The following SMIM10L3 variants were observed in gnomAD, a reference collection of about 807,000 sequenced individuals.
SMIM10L3 encodes the protein small integral membrane protein 10 like 3.
chr7:6,337,228 T>C, the SMIM10L3 span, among the ~76,000 whole-genome samples: 5 of 152,146 alleles, frequency 3.3e-5, no homozygotes, highest in South Asian at 2.1e-4. Context: ...TATGCCACCA[T>C]GGCCCTGGCT....
At chr7:6,347,142 C>T in the SMIM10L3 span, among the ~76,000 whole-genome samples, 11 of 152,232 alleles carry the variant, frequency 7.2e-5, no homozygotes, top group East Asian at 1.3e-3. Flanking sequence ...GCCTTGGCAA[C>T]ATGGGAAGAC....
At chr7:6,347,629 T>C in the SMIM10L3 span, among the ~76,000 whole-genome samples, 4 of 152,138 alleles carry the variant, frequency 2.6e-5, no homozygotes, top group South Asian at 2.1e-4. Flanking sequence ...AGACGTTTTG[T>C]GCTTCCACGT....
chr7:6,331,171 T>G, the SMIM10L3 span: 1 of 1,603,646 alleles, frequency 6.2e-7, no homozygotes, highest in Non-Finnish European at 8.5e-7. Flanking sequence ...TGTTCTTGGA[T>G]GCGGTGGGCC....
the SMIM10L3 span, among the ~76,000 whole-genome samples, chr7:6,332,657 C>T: frequency 1.2e-4 from 18 of 152,090 alleles, no homozygotes; most frequent in Middle Eastern, 3.4e-3. Flanking sequence ...GAGATCGAGT[C>T]ACTCTGCCCT....
chr7:6,333,641 G>A, the SMIM10L3 span, among the ~76,000 whole-genome samples: 1 of 151,242 alleles, frequency 6.6e-6, no homozygotes, highest in Non-Finnish European at 1.5e-5. Context: ...TGGGATTACA[G>A]GCAGGCACCA....
chr7:6,330,162 T>A, the SMIM10L3 span: 20 of 572,644 alleles, frequency 3.5e-5, no homozygotes, highest in Middle Eastern at 9.3e-4. Flanking sequence ...ATTCTTTATA[T>A]GTCTTTTAAA....
chr7:6,334,757 C>T, the SMIM10L3 span, among the ~76,000 whole-genome samples: 29 of 151,900 alleles, frequency 1.9e-4, no homozygotes, highest in African/African-American at 5.5e-4. Context: ...TGAGCCACCA[C>T]GCCCAGCCTG....
the SMIM10L3 span, among the ~76,000 whole-genome samples, chr7:6,336,903 C>G: frequency 6.6e-6 from 1 of 152,128 alleles, no homozygotes; most frequent in Non-Finnish European, 1.5e-5. Context: ...ATCCGCCCAC[C>G]TCAGCCTCCC....
the SMIM10L3 span, among the ~76,000 whole-genome samples, chr7:6,338,188 T>A: frequency 2.6e-5 from 4 of 152,202 alleles, no homozygotes; most frequent in African/African-American, 7.2e-5. Flanking sequence ...GTTATACATA[T>A]TACCTGTATT....
chr7:6,332,214 G>A, the SMIM10L3 span, among the ~76,000 whole-genome samples: 1 of 152,038 alleles, frequency 6.6e-6, no homozygotes, highest in South Asian at 2.1e-4. Context: ...TAATTTTATA[G>A]GGACCAGCAC....
chr7:6,331,261 T>C, the SMIM10L3 span: 2 of 1,190,672 alleles, frequency 1.7e-6, no homozygotes, highest in Non-Finnish European at 1.2e-6. Flanking sequence ...AAATTAAAGT[T>C]CTAAAATGAA....
At chr7:6,330,718 G>A in the SMIM10L3 span, 1,503 of 1,614,066 alleles carry the variant, frequency 9.3e-4, 7 homozygotes, top group Middle Eastern at 0.021. Flanking sequence ...CTCTCCTTTG[G>A]GGCACTGTCC....
the SMIM10L3 span, among the ~76,000 whole-genome samples, chr7:6,338,432 C>G: frequency 6.6e-6 from 1 of 152,066 alleles, no homozygotes; most frequent in Non-Finnish European, 1.5e-5. Flanking sequence ...GCTGAGACCA[C>G]CAGAATGATG....
chr7:6,343,454 A>T, the SMIM10L3 span, among the ~76,000 whole-genome samples: 1 of 141,042 alleles, frequency 7.1e-6, no homozygotes, highest in Non-Finnish European at 1.5e-5. Context: ...ATGATCTAGG[A>T]CTAAGAAACA....
At chr7:6,344,712 C>T in the SMIM10L3 span, among the ~76,000 whole-genome samples, 3 of 151,956 alleles carry the variant, frequency 2.0e-5, no homozygotes, top group South Asian at 6.2e-4. Flanking sequence ...AGTCACGGCA[C>T]CTGGCCCACT....
chr7:6,335,952 C>T, the SMIM10L3 span, among the ~76,000 whole-genome samples: 1 of 152,048 alleles, frequency 6.6e-6, no homozygotes, highest in East Asian at 1.9e-4. Flanking sequence ...ACGGATGGAT[C>T]ACTTGAGGAC....
the SMIM10L3 span, among the ~76,000 whole-genome samples, chr7:6,331,399 G>C: frequency 5.9e-5 from 9 of 152,194 alleles, no homozygotes; most frequent in East Asian, 1.7e-3. Flanking sequence ...CTGACCTCAG[G>C]TGATCCACCC....
the SMIM10L3 span, among the ~76,000 whole-genome samples, chr7:6,333,762 G>A: frequency 4.2e-5 from 6 of 144,458 alleles, no homozygotes; most frequent in African/African-American, 1.5e-4. Flanking sequence ...GTGACTTGAA[G>A]AACAAGTGTC....
At chr7:6,331,738 CTTTTT>C in the SMIM10L3 span, among the ~76,000 whole-genome samples, 8 of 117,730 alleles carry the variant, frequency 6.8e-5, no homozygotes, top group Non-Finnish European at 8.8e-5. Flanking sequence ...ATAATAGAGG[CTTTTT>C]TTTTTTTTTT....
Sources: allele counts gnomAD v4.1 joint callset (sites outside exome capture counted in the v4.1 genomes callset), GRCh38; gene constraint gnomAD v4.1.1; transcripts MANE v1.5; gene names NCBI Gene and HGNC (gene_info 2026-07-23, HGNC 2026-07-21).